WDR73: variants seen among roughly 807,000 people sequenced by gnomAD.
WDR73 encodes integrator complex assembly factor WDR73.
WDR73 carries 30 observed loss-of-function variants against 38.2 expected under a neutral mutation model. The observed-to-expected ratio is 0.79, with a 90% CI of 0.59 to 1.06. The LOEUF is 1.06. WDR73 is among the 50% of genes least tolerant of loss of function. The pLI is 0.00. For missense variants in WDR73, 487 were observed against 467.0 expected, an observed-to-expected ratio of 1.04 and a Z score of -0.40; for synonymous variants, 197 against 176.0, an observed-to-expected ratio of 1.12 and a Z score of -0.94.
intron 7 of WDR73, chr15:84,643,995 T>G: frequency 2.9e-6 from 1 of 345,334 alleles, no homozygotes; most frequent in Non-Finnish European, 5.4e-6. Flanking sequence ...CACGGGCAAG[T>G]AGCATCTGCC....
Position 84,640,251 on chromosome 15 carries a change from G to A in WDR73, c.*3219C>T, listed in dbSNP as rs547663232. ...GCATTCAGGCTCAGAATCAGGAGAT[G>A]TGATTATTGTCCTGGCTCTGTTATG... On this transcript the variant is annotated 3_prime_UTR_variant, in exon 8 of 8. Coordinates refer to ENST00000434634, the MANE Select transcript of WDR73 (RefSeq NM_032856.5). 7.9e-5 allele frequency: 12 copies of A among 152,314 alleles called. No individual in the cohort carries two copies. The highest frequency in any genetic ancestry group is 3.9e-4 in the Admixed American group (6 of 15,294). 9.4% of individuals were successfully genotyped at this position (152,314 alleles called of 1,614,324 possible).
At position 84,654,237 on chromosome 15, in the gene WDR73, C is replaced by A; in HGVS notation, c.38G>T (p.Arg13Leu). ...PGDDWLVESL[R>L]LYQDFYAFDL... ...GTCCCAGCCCCGTACGATTTACAAGCGCAAGGATTCCACCAGCCAGTCGTC... is the reference window on the plus strand; with the variant it reads ...GTCCCAGCCCCGTACGATTTACAAGAGCAAGGATTCCACCAGCCAGTCGTC... Residue 13 changes from arginine (R) to leucine (L), a missense_variant, in exon 1 of 8, where the codon CGC becomes CTC. Transcript: ENST00000434634. 6.2e-7 allele frequency: 1 copy of A among 1,613,960 alleles called. No homozygotes were observed. Among genetic ancestry groups the A allele is most frequent in the African/African-American group, 1.3e-5 (1 of 75,066 alleles).
chr15:84,648,529 G>T lies in WDR73; in HGVS notation c.287+8C>A. ...GTGTGGATGGCTGGATCACAAAATTGACCATACCTGGTATGTGGCACATGC... is the reference window on the plus strand; with the variant it reads ...GTGTGGATGGCTGGATCACAAAATTTACCATACCTGGTATGTGGCACATGC... On this transcript the variant is annotated splice_region_variant and intron_variant, in intron 4 of 7. Coordinates refer to ENST00000434634, the MANE Select transcript of WDR73 (RefSeq NM_032856.5). 6.2e-7 allele frequency: 1 copy of T among 1,607,970 alleles called. No individual in the cohort carries two copies. The highest frequency in any genetic ancestry group is 8.5e-7 in the Non-Finnish European group (1 of 1,174,510).
chr15:84,645,463 G>A lies in WDR73; in HGVS notation c.883+8C>T, dbSNP rs200133030. On this transcript the variant is annotated splice_region_variant and intron_variant, in intron 7 of 7. Transcript: ENST00000434634. ...CAGATAACAAGACGAAATCCTGCTCGGCAGTACCTGAGATGGCCAAGCAAT... is the reference window on the plus strand; with the variant it reads ...CAGATAACAAGACGAAATCCTGCTCAGCAGTACCTGAGATGGCCAAGCAAT... 1.1e-3 allele frequency: 1,707 copies of A among 1,611,162 alleles called. 5 individuals carry two copies. The highest frequency in any genetic ancestry group is 1.1e-3 in the Non-Finnish European group (1,272 of 1,178,360).
At chr15:84,647,507 T>A (rs1156333548) in intron 5 of WDR73, 1 of 190,964 alleles carries the variant, frequency 5.2e-6, no homozygotes, top group Non-Finnish European at 1.1e-5. Flanking sequence ...TACTACTTTT[T>A]TTTTTGGAGA....
chr15:84,644,843 C>T (rs1896393711), intron 7 of WDR73: 1 of 152,766 alleles, frequency 6.5e-6, no homozygotes, highest in South Asian at 2.1e-4. Context: ...TCCCAAAGTG[C>T]TGGGATTATA....
rs1208439885 is a variant in WDR73, at chr15:84,641,481, G to A, written c.*1989C>T. Reference sequence around the variant, plus strand: ...TTGAACTTTAGTTACTTGAAAAAAGGTATAACTGAATTATGAGTGTTTATG... The same window carrying A: ...TTGAACTTTAGTTACTTGAAAAAAGATATAACTGAATTATGAGTGTTTATG... On this transcript the variant is annotated 3_prime_UTR_variant, in exon 8 of 8. Transcript: ENST00000434634. The A allele has an allele frequency of 6.6e-6, 1 of 152,122 alleles. No homozygotes were observed. Among genetic ancestry groups the A allele is most frequent in the African/African-American group, 2.4e-5 (1 of 41,434 alleles). 9.4% of individuals were successfully genotyped at this position (152,122 alleles called of 1,614,324 possible).
intron 3 of WDR73, among the ~76,000 whole-genome samples, chr15:84,651,408 CAG>C (rs1896620192): frequency 6.6e-6 from 1 of 152,134 alleles, no homozygotes; most frequent in Non-Finnish European, 1.5e-5. Context: ...GCCTGGGTGA[CAG>C]AGCAAGCCCT....
chr15:84,652,864 C>A, intron 2 of WDR73, 62 bp from the exon 3 acceptor site: 1 of 1,002,044 alleles, frequency 1.0e-6, no homozygotes, highest in Non-Finnish European at 1.5e-6. Context: ...CCATGCAATC[C>A]CCCGAAGTAA....
chr15:84,648,449 T>A, intron 4 of WDR73, 88 bp downstream of exon 4: 3 of 885,034 alleles, frequency 3.4e-6, no homozygotes, highest in Non-Finnish European at 5.7e-6. Flanking sequence ...GGGGTGGGAA[T>A]GGAGATGAGG....
At position 84,643,703 on chromosome 15, in the gene WDR73, C is replaced by T. The variant is rs1310378019; in HGVS notation, c.904G>A (p.Val302Ile). The T allele has an allele frequency of 2.5e-6, 4 of 1,613,130 alleles. No individual in the cohort carries two copies. The highest frequency in any genetic ancestry group is 2.2e-5 in the East Asian group (1 of 44,874). The part of the protein sequence containing the change: ...AISGFDGTVQ[V>I]YDATSWDGTR... Reference sequence around the variant, plus strand: ...CCATCCCAAGATGTGGCATCATAGACCTGGACTGTACCATCAAAACCTGAG... The same window carrying T: ...CCATCCCAAGATGTGGCATCATAGATCTGGACTGTACCATCAAAACCTGAG... The change falls in exon 8 of 8, where the codon GTC becomes ATC. Residue 302 changes from valine to isoleucine, a missense_variant. Coordinates refer to ENST00000434634, the MANE Select transcript of WDR73 (RefSeq NM_032856.5).
Position 84,643,484 on chromosome 15 carries a change from A to G in WDR73, c.1123T>C (p.Cys375Arg), listed in dbSNP as rs1478136947. 6.4e-7 allele frequency: 1 copy of G among 1,558,316 alleles called. No homozygotes were observed. Among genetic ancestry groups the G allele is most frequent in the East Asian group, 2.4e-5 (1 of 41,632 alleles). ...AGATGCTGGTGTCAGCGGGGGGCACAAAGGTCCACCCAGTCCCACACATGC... is the reference window on the plus strand; with the variant it reads ...AGATGCTGGTGTCAGCGGGGGGCACGAAGGTCCACCCAGTCCCACACATGC... ...SLHVWDWVDL[C>R]APR Residue 375 changes from cysteine (C) to arginine (R), a missense_variant, in exon 8 of 8, where the codon TGT becomes CGT. By Grantham distance (180) the Cys-to-Arg change is radical. Coordinates refer to ENST00000434634, the MANE Select transcript of WDR73 (RefSeq NM_032856.5).
intron 3 of WDR73, among the ~76,000 whole-genome samples, chr15:84,650,542 G>A (rs1896590116): frequency 6.6e-6 from 1 of 152,124 alleles, no homozygotes; most frequent in Non-Finnish European, 1.5e-5. Flanking sequence ...TGTATTATTA[G>A]TAGAGATGGG....
chr15:84,642,917 A>G lies in WDR73; in HGVS notation c.*553T>C, dbSNP rs908387652. 6.4e-6 allele frequency: 1 copy of G among 157,072 alleles called. No individual in the cohort carries two copies. The highest frequency in any genetic ancestry group is 2.4e-5 in the African/African-American group (1 of 41,422). 9.7% of individuals were successfully genotyped at this position (157,072 alleles called of 1,614,324 possible). On this transcript the variant is annotated 3_prime_UTR_variant, in exon 8 of 8. Transcript: ENST00000434634. ...TGTCCAGCACACTTTAATATTCACT[A>G]TGGGCCCTCAAAAGGAAATGTTTGT... is the stretch of plus-strand genomic sequence containing the variant.
In WDR73 at chr15:84,646,648, G is replaced by T. The variant is rs79886065; in HGVS notation, c.353-300C>A. 7,493 of 270,562 alleles carry T rather than the reference G, an allele frequency of 0.028. 137 individuals carry two copies. Among genetic ancestry groups the T allele is most frequent in the Non-Finnish European group, 0.04 (5,611 of 140,514 alleles). 16.8% of individuals were successfully genotyped at this position (270,562 alleles called of 1,614,324 possible). ...TTTATACTTTTGTGGAGAACAGGTA[G>T]AAGACAAGAAAAGGAATGAACATGC... is the stretch of plus-strand genomic sequence containing the variant. On this transcript the variant is annotated intron_variant, in intron 5 of 7. Transcript: ENST00000434634.
chr15:84,647,809 A>C, intron 5 of WDR73, 81 bp downstream of exon 5: 1 of 1,401,250 alleles, frequency 7.1e-7, no homozygotes, highest in Non-Finnish European at 1.0e-6. Context: ...TCTCCTTCTT[A>C]ACTGGCTCAG....
intron 3 of WDR73, among the ~76,000 whole-genome samples, chr15:84,651,926 G>C (rs148596425): frequency 1.3e-5 from 2 of 152,158 alleles, no homozygotes; most frequent in Non-Finnish European, 2.9e-5. Context: ...GGAGTGCAGT[G>C]GCACGATCTC....
intron 6 of WDR73, 116 bp downstream of exon 6, chr15:84,646,068 A>C: frequency 6.4e-7 from 1 of 1,560,426 alleles, no homozygotes; most frequent in Non-Finnish European, 8.7e-7. Flanking sequence ...CCTCTTATTC[A>C]CTGTGTATCC....
chr15:84,652,294 GTTCT>G (rs1347979831), intron 3 of WDR73, among the ~76,000 whole-genome samples: 1 of 152,084 alleles, frequency 6.6e-6, no homozygotes, highest in African/African-American at 2.4e-5. Flanking sequence ...CTCAGAGGCT[GTTCT>G]TTCTTAGTAT....
Sources: gnomAD v4.1 joint callset for allele counts (sites outside exome capture counted in the v4.1 genomes callset) on GRCh38, gnomAD v4.1.1 for gene constraint, MANE v1.5 for transcripts, NCBI Gene and HGNC (gene_info 2026-07-23, HGNC 2026-07-21) for gene names.